The following ATP8A1 variants were observed in gnomAD, a reference collection of about 807,000 sequenced individuals.
The protein encoded by ATP8A1 is phospholipid-transporting ATPase IA.
ATP8A1 carries 90 observed loss-of-function variants against 177.7 expected under a neutral mutation model. That is an observed-to-expected ratio of 0.51 (90% CI 0.43 to 0.60). ATP8A1 has a LOEUF of 0.60. Ranked by LOEUF, ATP8A1 falls within the 20% of genes least tolerant of loss-of-function variation. The pLI is 0.00. For synonymous variants in ATP8A1, 493 were observed against 485.9 expected, an observed-to-expected ratio of 1.01 and a Z score of -0.19; for missense variants, 1,072 against 1,392.8, an observed-to-expected ratio of 0.77 and a Z score of 3.67.
At position 42,455,325 on chromosome 4, in the gene ATP8A1, G is replaced by A. The variant is rs1474898118; in HGVS notation, c.2789C>T (p.Ser930Phe). 1.2e-6 allele frequency: 2 copies of A among 1,613,712 alleles called. No individual in the cohort carries two copies. The highest frequency in any genetic ancestry group is 2.2e-5 in the East Asian group (1 of 44,896). ...MLKYPELYKT[S>F]QNALDFNTKV... is the part of the protein sequence containing the mutation. Reference sequence around the variant, plus strand: ...GGTGTTGAAGTCCAGGGCATTCTGAGATGTTTTGTATAATTCAGGGTACTT... The same window carrying A: ...GGTGTTGAAGTCCAGGGCATTCTGAAATGTTTTGTATAATTCAGGGTACTT... Residue 930 changes from serine (S) to phenylalanine (F), a missense_variant, in exon 29 of 37, where the codon TCT becomes TTT. Ser to Phe is a radical substitution (Grantham distance 155). This residue lies in a region of ATP8A1 where 316 missense variants were observed against 459.1 expected (regional missense o/e 0.69). Transcript: ENST00000381668.
At chr4:42,482,887 T>A (rs963632396) in intron 25 of ATP8A1, among the ~76,000 whole-genome samples, 1 of 152,124 alleles carries the variant, frequency 6.6e-6, no homozygotes, top group Non-Finnish European at 1.5e-5. Context: ...TAGTTTAAAT[T>A]TGAGAGAAAA....
At chr4:42,458,567 G>C (rs942880590) in intron 27 of ATP8A1, among the ~76,000 whole-genome samples, 6 of 152,196 alleles carry the variant, frequency 3.9e-5, no homozygotes, top group Non-Finnish European at 8.8e-5. Flanking sequence ...GGCAGCTCCT[G>C]TAAGAAAGAG....
intron 16 of ATP8A1, among the ~76,000 whole-genome samples, chr4:42,555,126 TATCTATCTATCTAATC>T (rs1424697085): frequency 1.5e-3 from 119 of 79,952 alleles, no homozygotes; most frequent in Middle Eastern, 5.6e-3. Context: ...TCTATCTATC[TATCTATCTATCTAATC>T]TATCTATCTA....
intron 36 of ATP8A1, among the ~76,000 whole-genome samples, chr4:42,413,766 T>C (rs968657189): frequency 6.6e-6 from 1 of 152,224 alleles, no homozygotes; most frequent in Non-Finnish European, 1.5e-5. Flanking sequence ...TCCACAGATG[T>C]GGAACCCACT....
At chr4:42,653,404 T>A (rs1316488011) in intron 1 of ATP8A1, among the ~76,000 whole-genome samples, 2 of 152,236 alleles carry the variant, frequency 1.3e-5, no homozygotes, top group Non-Finnish European at 2.9e-5. Context: ...TTCTGTTAAC[T>A]GATGTATCCC....
Position 42,601,033 on chromosome 4 carries a change from C to CCTTT in ATP8A1, c.410-516_410-515insAAAG. 2.0e-5 allele frequency among the ~76,000 whole-genome samples: 2 copies of CCTTT among 102,430 alleles called. 1 individual carries two copies. Among genetic ancestry groups the CCTTT allele is most frequent in the Non-Finnish European group, 3.8e-5 (2 of 52,506 alleles). The allele number at this position is 102,430 out of a possible 152,430, so 67.2% of individuals were successfully genotyped here. ...AAAAAGCAAAAACAACCCAAATTTT[C>CCTTT]TTTTTTTTTTTTTTTTTTTTGAGAT... On this transcript the variant is annotated intron_variant, in intron 5 of 36. Coordinates refer to ENST00000381668, the MANE Select transcript of ATP8A1 (RefSeq NM_006095.2).
At chr4:42,507,729 CAAAAAAAAAAAA>C (rs34269384) in intron 22 of ATP8A1, among the ~76,000 whole-genome samples, 1 of 8,908 alleles carries the variant, frequency 1.1e-4, no homozygotes, top group East Asian at 0.01. Flanking sequence ...GACTCCATCT[CAAAAAAAAAAAA>C]AAAAAAAAAA....
At chr4:42,655,995 G>T (rs1577800453) in intron 1 of ATP8A1, among the ~76,000 whole-genome samples, 1 of 152,218 alleles carries the variant, frequency 6.6e-6, no homozygotes, top group African/African-American at 2.4e-5. Flanking sequence ...TACAGTCTTG[G>T]CTTTGACGCG....
At chr4:42,517,815 A>G (rs1466390543) in intron 22 of ATP8A1, among the ~76,000 whole-genome samples, 5 of 152,244 alleles carry the variant, frequency 3.3e-5, no homozygotes, top group Admixed American at 3.3e-4. Context: ...AACAGAGCTG[A>G]TAATTATATT....
At chr4:42,423,951 A>C (rs1159966750) in intron 33 of ATP8A1, among the ~76,000 whole-genome samples, 1 of 152,202 alleles carries the variant, frequency 6.6e-6, no homozygotes. Context: ...ATTAGAAACT[A>C]AATTTACTAT....
chr4:42,548,250 T>C (rs756496926), intron 19 of ATP8A1, among the ~76,000 whole-genome samples: 3 of 152,176 alleles, frequency 2.0e-5, no homozygotes, highest in Admixed American at 1.3e-4. Flanking sequence ...AGCATACAAT[T>C]AGAATGCCGG....
chr4:42,485,490 A>C lies in ATP8A1; in HGVS notation c.2324+6T>G. 1 of 1,604,896 alleles carries C rather than the reference A, an allele frequency of 6.2e-7. No homozygotes were observed. On this transcript the variant is annotated splice_donor_region_variant and intron_variant, in intron 25 of 36. Coordinates refer to ENST00000381668, the MANE Select transcript of ATP8A1 (RefSeq NM_006095.2). ...CTAAAATCTGACAATGATAAGGAGA[A>C]CTTACCGACAGCAAATGACAGCTTT...
intron 9 of ATP8A1, among the ~76,000 whole-genome samples, chr4:42,583,283 G>A (rs1311835335): frequency 1.3e-5 from 2 of 152,192 alleles, no homozygotes; most frequent in Admixed American, 1.3e-4. Context: ...CAAAGCAATT[G>A]CAACTCTCAT....
chr4:42,484,933 T>C (rs551853886), intron 25 of ATP8A1, among the ~76,000 whole-genome samples: 1 of 152,290 alleles, frequency 6.6e-6, no homozygotes, highest in African/African-American at 2.4e-5. Context: ...TGGGGAAGAT[T>C]CCTTGACAAG....
chr4:42,465,413 T>C (rs1039926069), intron 25 of ATP8A1, among the ~76,000 whole-genome samples: 17 of 152,240 alleles, frequency 1.1e-4, no homozygotes, highest in African/African-American at 4.1e-4. Context: ...AACAATGTCA[T>C]AAATGCTGCC....
intron 20 of ATP8A1, among the ~76,000 whole-genome samples, chr4:42,537,014 C>A (rs1032735895): frequency 6.6e-6 from 1 of 151,946 alleles, no homozygotes; most frequent in African/African-American, 2.4e-5. Flanking sequence ...CGCCTGTAAT[C>A]CCAGCTACTT....
At chr4:42,458,653 T>C (rs1248202521) in intron 27 of ATP8A1, among the ~76,000 whole-genome samples, 2 of 152,212 alleles carry the variant, frequency 1.3e-5, no homozygotes, top group Non-Finnish European at 2.9e-5. Flanking sequence ...ATAGTGACTT[T>C]CCTAAGCAAT....
At chr4:42,559,347 C>T (rs765306924) in intron 15 of ATP8A1, among the ~76,000 whole-genome samples, 1 of 152,028 alleles carries the variant, frequency 6.6e-6, no homozygotes, top group African/African-American at 2.4e-5. Context: ...CAACAATGAG[C>T]AAAGGATATA....
chr4:42,487,878 T>A (rs1402029402), intron 24 of ATP8A1, among the ~76,000 whole-genome samples: 3 of 152,144 alleles, frequency 2.0e-5, no homozygotes, highest in African/African-American at 7.2e-5. Context: ...CTGTTCCCCA[T>A]TACACACAGT....
Sources: allele counts gnomAD v4.1 joint callset (sites outside exome capture counted in the v4.1 genomes callset), GRCh38; gene constraint gnomAD v4.1.1; regional missense constraint gnomAD v4.1.1; transcripts MANE v1.5; gene names NCBI Gene and HGNC (gene_info 2026-07-23, HGNC 2026-07-21).